CDH18: variants seen among roughly 807,000 people sequenced by gnomAD.
CDH18 encodes cadherin 18.
In CDH18, 31 loss-of-function variants were observed where a neutral mutation model predicts 67.9. The observed-to-expected ratio is 0.46, with a 90% confidence interval of 0.34 to 0.62. The LOEUF (loss-of-function observed/expected upper bound fraction) is 0.62, where lower values mean the gene tolerates loss of function less well. CDH18 is among the 20% of genes least tolerant of loss of function. The pLI, the probability that CDH18 is intolerant of heterozygous loss-of-function variation, is 0.01. For synonymous variants in CDH18, 362 were observed against 347.2 expected (o/e 1.04, Z -0.48); for missense variants, 890 against 975.5 (o/e 0.91, Z 1.17).
chr5:20,230,997 C>A (rs917879660), intron 2 of CDH18, among the ~76,000 whole-genome samples: 57 of 152,118 alleles, frequency 3.7e-4, no homozygotes, highest in African/African-American at 1.3e-3. Context: ...TGCAAGAAGT[C>A]TGTCATACAG....
Position 19,559,245 on chromosome 5 carries a change from C to T in CDH18, c.1253+12334G>A, listed in dbSNP as rs1185544127. 3.3e-5 allele frequency among the ~76,000 whole-genome samples: 5 copies of T among 151,210 alleles called. No homozygotes were observed. The South Asian group carries it at 1.0e-3, about 31-fold the overall frequency. On this transcript the variant is annotated intron_variant, in intron 8 of 12. Coordinates refer to ENST00000382275, the MANE Select transcript of CDH18 (RefSeq NM_004934.5). ...TTCTTTTCTTCAGCTGTGTTACAGACCCTGATGAACATATATGAAAAAATC... is the reference window on the plus strand; with the variant it reads ...TTCTTTTCTTCAGCTGTGTTACAGATCCTGATGAACATATATGAAAAAATC...
intron 2 of CDH18, among the ~76,000 whole-genome samples, chr5:19,975,632 ATAAAT>A (rs768835611): frequency 5.9e-5 from 9 of 152,178 alleles, no homozygotes; most frequent in Non-Finnish European, 1.2e-4. Flanking sequence ...GCTGTTGGTA[ATAAAT>A]TAGAGATATA....
chr5:20,300,977 G>T (rs1747934749), intron 1 of CDH18, among the ~76,000 whole-genome samples: 1 of 152,106 alleles, frequency 6.6e-6, no homozygotes, highest in Admixed American at 6.6e-5. Context: ...AAAATTGGAG[G>T]GGATGAACTA....
chr5:19,939,803 A>G (rs1337148623), intron 2 of CDH18, among the ~76,000 whole-genome samples: 1 of 151,884 alleles, frequency 6.6e-6, no homozygotes, highest in African/African-American at 2.4e-5. Flanking sequence ...ATAGTTCATA[A>G]TACCATAAAA....
chr5:20,368,990 A>T (rs1463304447), intron 1 of CDH18, among the ~76,000 whole-genome samples: 21 of 152,104 alleles, frequency 1.4e-4, no homozygotes. Flanking sequence ...TTTTCTCATT[A>T]TGCTTGACTT....
At chr5:20,447,942 G>A (rs570557618) in intron 1 of CDH18, among the ~76,000 whole-genome samples, 7 of 151,690 alleles carry the variant, frequency 4.6e-5, no homozygotes, top group African/African-American at 1.7e-4. Context: ...TAGGGTACAT[G>A]TATACAACGT....
At chr5:20,042,887 G>A (rs1439940397) in intron 2 of CDH18, among the ~76,000 whole-genome samples, 10 of 151,572 alleles carry the variant, frequency 6.6e-5, no homozygotes, top group African/African-American at 1.7e-4. Flanking sequence ...GCGTGAACCC[G>A]GGAGGCAGAG....
In CDH18 at chr5:20,425,612, TA is replaced by T. The variant is rs995829546; in HGVS notation, c.-580+149849del. On this transcript the variant is annotated intron_variant, in intron 1 of 14. Transcript: ENST00000507958. Reference sequence around the variant, plus strand: ...GATAATGTCTAAAATTGACAAATCTTAAATAGTAAAAATAATTGAAAATAGT... The same window carrying T: ...GATAATGTCTAAAATTGACAAATCTTAATAGTAAAAATAATTGAAAATAGT... 1.3e-5 allele frequency among the ~76,000 whole-genome samples: 2 copies of T among 151,024 alleles called. 1 individual carries two copies. The highest frequency in any genetic ancestry group is 5.0e-5 in the African/African-American group (2 of 40,376).
chr5:20,324,040 C>T (rs1332418755), intron 1 of CDH18, among the ~76,000 whole-genome samples: 2 of 152,112 alleles, frequency 1.3e-5, no homozygotes, highest in Non-Finnish European at 2.9e-5. Context: ...TTTGCCAGTG[C>T]CCAAAGTTCA....
intron 5 of CDH18, among the ~76,000 whole-genome samples, chr5:19,626,159 G>C (rs1379190525): frequency 6.6e-6 from 1 of 152,152 alleles, no homozygotes; most frequent in East Asian, 1.9e-4. Context: ...CATGGGGAGA[G>C]GACACCACTC....
intron 8 of CDH18, among the ~76,000 whole-genome samples, chr5:19,545,692 C>T (rs1005329381): frequency 1.3e-5 from 2 of 152,046 alleles, no homozygotes; most frequent in Non-Finnish European, 2.9e-5. Context: ...AATTGATAGG[C>T]CCCTTTACTG....
At chr5:20,254,657 C>T (rs1378566584) in intron 2 of CDH18, among the ~76,000 whole-genome samples, 1 of 152,140 alleles carries the variant, frequency 6.6e-6, no homozygotes, top group African/African-American at 2.4e-5. Flanking sequence ...AACTCTTATT[C>T]GTGTTGGTTA....
chr5:20,352,142 AT>A (rs1319130439), intron 1 of CDH18, among the ~76,000 whole-genome samples: 1 of 152,174 alleles, frequency 6.6e-6, no homozygotes, highest in Non-Finnish European at 1.5e-5. Context: ...GTGAGGATCC[AT>A]TTATAGCAGA....
chr5:19,681,409 G>A (rs1760308233), intron 5 of CDH18, among the ~76,000 whole-genome samples: 1 of 151,664 alleles, frequency 6.6e-6, no homozygotes, highest in Non-Finnish European at 1.5e-5. Context: ...TAAAAATAAA[G>A]TCCTTTTAGT....
intron 5 of CDH18, among the ~76,000 whole-genome samples, chr5:19,616,674 C>G (rs1749888888): frequency 6.6e-6 from 1 of 152,154 alleles, no homozygotes. Flanking sequence ...GTGGGACTGG[C>G]TTACACACAT....
chr5:20,525,082 G>A (rs1425595700), intron 1 of CDH18, among the ~76,000 whole-genome samples: 1 of 152,156 alleles, frequency 6.6e-6, no homozygotes, highest in African/African-American at 2.4e-5. Flanking sequence ...AACCTGAGGA[G>A]CAGCAACACT....
At position 19,958,907 on chromosome 5, in the gene CDH18, A is replaced by C. The variant is rs1332638255; in HGVS notation, c.-257+22153T>G. ...TCATTGGTGACAGTGGCCTTGAAGA[A>C]ATTTGCTGACCATTCTGCTAGGTAT... is the stretch of plus-strand genomic sequence containing the variant. On this transcript the variant is annotated intron_variant, in intron 2 of 12. Coordinates refer to ENST00000382275, the MANE Select transcript of CDH18 (RefSeq NM_004934.5). 3.9e-5 allele frequency among the ~76,000 whole-genome samples: 6 copies of C among 152,060 alleles called. No homozygotes were observed. The East Asian group carries it at 1.2e-3, about 29-fold the overall frequency.
intron 1 of CDH18, among the ~76,000 whole-genome samples, chr5:20,409,805 G>T (rs1746610708): frequency 6.6e-6 from 1 of 151,492 alleles, no homozygotes; most frequent in Non-Finnish European, 1.5e-5. Context: ...AATTAAACAG[G>T]AGGCATTATG....
intron 1 of CDH18, among the ~76,000 whole-genome samples, chr5:20,273,316 T>C (rs554190948): frequency 3.4e-4 from 52 of 152,126 alleles, no homozygotes; most frequent in Middle Eastern, 3.4e-3. Flanking sequence ...GTTATAATTA[T>C]ATTATGAAGT....
Sources: gnomAD v4.1 joint callset for allele counts (sites outside exome capture counted in the v4.1 genomes callset) on GRCh38, gnomAD v4.1.1 for gene constraint, MANE v1.5 for transcripts, NCBI Gene and HGNC (gene_info 2026-07-23, HGNC 2026-07-21) for gene names.